TEX15: variants seen among roughly 807,000 people sequenced by gnomAD.
TEX15 encodes the protein testis expressed 15, meiosis and synapsis associated.
A neutral mutation model predicts 237.3 loss-of-function variants in TEX15; 171 were observed. The ratio of observed to expected loss-of-function variants is 0.72; its 90% CI spans 0.64 to 0.82. TEX15 has a LOEUF of 0.82. Among genes scored for constraint, TEX15 ranks in the 40% least tolerant of loss-of-function variants. TEX15 has a pLI of 0.00. For synonymous variants in TEX15, 1,338 were observed against 1,269.8 expected, an observed-to-expected ratio of 1.05 and a Z score of -1.14; for missense variants, 3,750 against 3,646.5, an observed-to-expected ratio of 1.03 and a Z score of -0.73.
chr8:30,836,509 G>A (rs1275333657), intron 10 of TEX15, among the ~76,000 whole-genome samples: 2 of 152,060 alleles, frequency 1.3e-5, no homozygotes, highest in Non-Finnish European at 2.9e-5. Context: ...ACTGCGCCCA[G>A]CCCCACTGTA....
intron 3 of TEX15, among the ~76,000 whole-genome samples, chr8:30,882,941 C>A (rs1808560501): frequency 6.6e-6 from 1 of 151,844 alleles, no homozygotes; most frequent in Admixed American, 6.6e-5. Context: ...CTGGATAATT[C>A]TTGTATTTTT....
chr8:30,906,746 T>C (rs1199919123), intron 1 of TEX15, among the ~76,000 whole-genome samples: 1 of 152,052 alleles, frequency 6.6e-6, no homozygotes. Flanking sequence ...AAAAAGACAA[T>C]ATTGCAGAAG....
intron 1 of TEX15, among the ~76,000 whole-genome samples, chr8:30,909,127 ATCAGGAC>A (rs1563282042): frequency 2.2e-4 from 34 of 152,294 alleles, no homozygotes; most frequent in African/African-American, 6.7e-4. Context: ...TTAGATTTAT[ATCAGGAC>A]AAACTAGATA....
At chr8:30,838,106 G>C (rs867616563) in intron 9 of TEX15, 45 bp from the exon 10 acceptor site, 2 of 1,465,328 alleles carry the variant, frequency 1.4e-6, no homozygotes, top group Admixed American at 2.4e-5. Context: ...AAATATATAG[G>C]GTCATAAAAT....
At position 30,882,674 on chromosome 8, in the gene TEX15, T is replaced by C. The variant is rs1215367976; in HGVS notation, c.136+4493A>G. ...GTTCCACAGGTGCTTGAAAGGTCTA[T>C]TCTGCTACTGTTAGGTACAATAATC... is the stretch of plus-strand genomic sequence containing the variant. On this transcript the variant is annotated intron_variant, in intron 3 of 10. Transcript: ENST00000643185. 2.0e-5 allele frequency among the ~76,000 whole-genome samples: 3 copies of C among 152,340 alleles called. No individual in the cohort carries two copies. The East Asian group carries it at 5.8e-4, about 29-fold the overall frequency.
chr8:30,843,145 C>G lies in TEX15; in HGVS notation c.7022G>C (p.Arg2341Thr). 1 of 1,613,038 alleles carries G rather than the reference C, an allele frequency of 6.2e-7. No individual in the cohort carries two copies. ...GLEEDTIIAS[R>T]KSDHPINEAT... is the part of the protein sequence containing the mutation. ...TTCGTTTATTGGATGATCTGACTTTCTGGAAGCAATTATAGTATCCTCCTC... is the reference window on the plus strand; with the variant it reads ...TTCGTTTATTGGATGATCTGACTTTGTGGAAGCAATTATAGTATCCTCCTC... Residue 2341 changes from arginine to threonine, a missense_variant, in exon 8 of 11, where the codon AGA (arginine) becomes ACA (threonine). Physicochemically the swap from Arg to Thr is moderately conservative, Grantham distance 71. Transcript: ENST00000643185.
chr8:30,883,112 CTCTA>C (rs1352919859), intron 3 of TEX15, among the ~76,000 whole-genome samples: 4 of 151,926 alleles, frequency 2.6e-5, no homozygotes, highest in Non-Finnish European at 5.9e-5. Context: ...ATTTTTCTTT[CTCTA>C]TCTTTTTTTT....
In TEX15 at chr8:30,845,024, A is replaced by G. The variant is rs1309879768; in HGVS notation, c.5143T>C (p.Tyr1715His). The change falls in exon 8 of 11, where the codon TAC becomes CAC. Residue 1715 changes from tyrosine to histidine, a missense_variant. Physicochemically the swap from Tyr to His is moderately conservative, Grantham distance 83 (BLOSUM62 2). Coordinates refer to ENST00000643185, the MANE Select transcript of TEX15 (RefSeq NM_001350162.2). Reference protein sequence around the residue: ...LNLTLIASKKYSIPQLSAAAV... With the variant: ...LNLTLIASKKHSIPQLSAAAV... ...GCGGCTGATAACTGAGGAATACTGTACTTTTTACTTGCTATCAAAGTTAGG... is the reference window on the plus strand; with the variant it reads ...GCGGCTGATAACTGAGGAATACTGTGCTTTTTACTTGCTATCAAAGTTAGG... The G allele has an allele frequency of 6.2e-7, 1 of 1,613,638 alleles. No homozygotes were observed. The highest frequency in any genetic ancestry group is 1.7e-5 in the Admixed American group (1 of 59,994).
rs1554502343 is a variant in TEX15 at position 30,889,954 on chromosome 8, C to CACATATATATATATATACAT, written c.-9-2644_-9-2643insATGTATATATATATATATGT. On this transcript the variant is annotated intron_variant, in intron 2 of 10. Coordinates refer to ENST00000643185, the MANE Select transcript of TEX15 (RefSeq NM_001350162.2). The stretch of plus-strand genomic sequence containing the variant: ...ATATACATATATATATATATATATA[C>CACATATATATATATATACAT]ATATATATATATATGTATAAGTAAA... Among the ~76,000 whole-genome samples the CACATATATATATATATACAT allele has an allele frequency of 4.0e-4, 44 of 110,088 alleles. 1 individual carries two copies. The highest frequency in any genetic ancestry group is 1.3e-3 in the Admixed American group (15 of 11,298). 72.2% of individuals were successfully genotyped at this position (110,088 alleles called of 152,430 possible).
intron 1 of TEX15, among the ~76,000 whole-genome samples, chr8:30,909,394 A>ACCCCCCCCCCCCCCCACCCCC (rs35046956): frequency 8.5e-6 from 1 of 118,338 alleles, no homozygotes. Context: ...TTAAAGACAG[A>ACCCCCCCCCCCCCCCACCCCC]CCCCCCCCCG....
At chr8:30,841,870 T>G (rs569201806) in intron 8 of TEX15, 134 bp downstream of exon 8, 2 of 560,336 alleles carry the variant, frequency 3.6e-6, no homozygotes, top group East Asian at 5.9e-5. Context: ...ATCAATATTA[T>G]AGTTAGTAAA....
chr8:30,878,854 A>G (rs575708144), intron 3 of TEX15, among the ~76,000 whole-genome samples: 30 of 152,270 alleles, frequency 2.0e-4, no homozygotes, highest in South Asian at 1.7e-3. Flanking sequence ...ATGATGCCAA[A>G]TTGTTTTCTG....
intron 1 of TEX15, among the ~76,000 whole-genome samples, chr8:30,903,073 G>A (rs1419056267): frequency 1.3e-5 from 2 of 152,118 alleles, no homozygotes; most frequent in African/African-American, 4.8e-5. Context: ...CCATTATGAA[G>A]GGTTTCCCAA....
rs1807352679 is a variant in TEX15 at position 30,838,073 on chromosome 8, A to G, written c.8223-12T>C. 1.3e-6 allele frequency: 2 copies of G among 1,565,808 alleles called. No homozygotes were observed. Among genetic ancestry groups the G allele is most frequent in the African/African-American group, 2.8e-5 (2 of 72,332 alleles). On this transcript the variant is annotated splice_polypyrimidine_tract_variant and intron_variant, in intron 9 of 10. Transcript: ENST00000643185. ...GAGATCCTGTAGTCCTATTAGGTGC[A>G]ACACATACATAAAAATGAATTTAAA...
rs755251863 is a variant in TEX15, at chr8:30,844,670, A to G, written c.5497T>C (p.Cys1833Arg). The part of the protein sequence containing the change: ...DNVKGSSSET[C>R]IVKKDTEDRI... ...TCCTCAGTGTCTTTCTTCACAATAC[A>G]TGTTTCTGAAGAGGAGCCTTTTACA... Residue 1833 changes from cysteine (C) to arginine (R), a missense_variant, in exon 8 of 11, where the codon TGT (cysteine) becomes CGT (arginine). Coordinates refer to ENST00000643185, the MANE Select transcript of TEX15 (RefSeq NM_001350162.2). The G allele has an allele frequency of 1.9e-6, 3 of 1,613,258 alleles. No homozygotes were observed. The highest frequency in any genetic ancestry group is 1.7e-5 in the Admixed American group (1 of 59,926).
Position 30,847,587 on chromosome 8 carries a change from ATC to A in TEX15, c.2578_2579del (p.Asp860Ter), listed in dbSNP as rs764617574. On this transcript the variant is annotated frameshift_variant, in exon 8 of 11. Transcript: ENST00000643185. LOFTEE classifies it high-confidence loss of function. ...CTTTAGCCTCATTTTGGTTTTCTCT[ATC>A]TGTTTGTTTTTTGAAATTAACATTC... ...WLNVNFKKQT[D>X]RENQNEAKEN... is the part of the protein sequence containing the mutation. 4 of 1,609,892 alleles carry A rather than the reference ATC, an allele frequency of 2.5e-6. No homozygotes were observed. Among genetic ancestry groups the A allele is most frequent in the African/African-American group, 1.3e-5 (1 of 74,600 alleles).
chr8:30,905,067 C>T (rs1400671646), intron 1 of TEX15, among the ~76,000 whole-genome samples: 1 of 152,130 alleles, frequency 6.6e-6, no homozygotes, highest in Non-Finnish European at 1.5e-5. Context: ...TGCCTTCTTA[C>T]TAATGTCCCT....
chr8:30,833,415 G>T, intron 10 of TEX15, 92 bp from the exon 11 acceptor site: 1 of 964,492 alleles, frequency 1.0e-6, no homozygotes, highest in Non-Finnish European at 1.5e-6. Flanking sequence ...TTAAATTACA[G>T]CTAAAGAGAT....
At position 30,845,901 on chromosome 8, in the gene TEX15, A is replaced by G; in HGVS notation, c.4266T>C (p.Asn1422=). The G allele has an allele frequency of 6.2e-7, 1 of 1,613,242 alleles. No homozygotes were observed. Among genetic ancestry groups the G allele is most frequent in the South Asian group, 1.1e-5 (1 of 90,996 alleles). The change falls in exon 8 of 11, where the codon AAT becomes AAC. Residue 1422 remains asparagine (N), a synonymous_variant. Transcript: ENST00000643185. The part of the protein sequence containing the change: ...LPKSYAIICN[N]FWESCDLQGY... ...CTTGAAGGTCACAACTTTCCCAGAA[A>G]TTATTGCATATTATTGCATATGATT...
Sources: gnomAD v4.1 joint callset for allele counts (sites outside exome capture counted in the v4.1 genomes callset) on GRCh38, gnomAD v4.1.1 for gene constraint, MANE v1.5 for transcripts, NCBI Gene and HGNC (gene_info 2026-07-23, HGNC 2026-07-21) for gene names.